Variants in PCCA observed in about 807,000 individuals in gnomAD.
PCCA encodes propionyl-CoA carboxylase subunit alpha.
In PCCA, 74 loss-of-function variants were observed where a neutral mutation model predicts 101.3. The observed-to-expected ratio is 0.73, with a 90% CI of 0.61 to 0.89. The LOEUF (loss-of-function observed/expected upper bound fraction) is 0.89, where lower values mean the gene tolerates loss of function less well. PCCA is among the 40% of genes least tolerant of loss of function. The probability of loss-of-function intolerance (pLI) is 0.00; values close to 1 mark genes in which losing one functional copy is unlikely to be tolerated. For synonymous variants in PCCA, 294 were observed against 313.6 expected (o/e 0.94, Z 0.66); for missense variants, 891 against 907.0 (o/e 0.98, Z 0.23).
At chr13:100,126,171 G>A (rs2049935472) in intron 4 of PCCA, among the ~76,000 whole-genome samples, 1 of 152,142 alleles carries the variant, frequency 6.6e-6, no homozygotes, top group Non-Finnish European at 1.5e-5. Context: ...ATATGTATAT[G>A]AGCTGAATTC....
chr13:100,257,101 C>G (rs1012201259), intron 8 of PCCA, among the ~76,000 whole-genome samples: 1 of 152,142 alleles, frequency 6.6e-6, no homozygotes, highest in African/African-American at 2.4e-5. Flanking sequence ...TTCCCCAATA[C>G]CATCATGTCA....
At chr13:100,169,323 C>T (rs1260658484) in intron 6 of PCCA, among the ~76,000 whole-genome samples, 6 of 151,474 alleles carry the variant, frequency 4.0e-5, no homozygotes, top group Non-Finnish European at 8.8e-5. Flanking sequence ...TGCCTGTAAT[C>T]CCAGCTACTC....
At chr13:100,200,413 A>G (rs754452966) in intron 6 of PCCA, among the ~76,000 whole-genome samples, 33 of 151,974 alleles carry the variant, frequency 2.2e-4, no homozygotes, top group Non-Finnish European at 3.5e-4. Flanking sequence ...CTTCTGTTCA[A>G]CTCTAATCAG....
chr13:100,155,096 A>G lies in PCCA; in HGVS notation c.414+4A>G, dbSNP rs560688875. 12 of 1,565,398 alleles carry G rather than the reference A, an allele frequency of 7.7e-6. No individual in the cohort carries two copies. The Admixed American group carries it at 2.0e-4, about 26-fold the overall frequency. On this transcript the variant is annotated splice_donor_region_variant and intron_variant, in intron 5 of 23. Transcript: ENST00000376285. ...TAAGAAAACCAGGGCCCAAGCTGTG[A>G]GTCTGAATGAATCTATCTACTGCAG... is the stretch of plus-strand genomic sequence containing the variant.
intron 20 of PCCA, among the ~76,000 whole-genome samples, chr13:100,448,240 T>TGCAATG (rs1401053014): frequency 6.6e-6 from 1 of 152,172 alleles, no homozygotes; most frequent in Admixed American, 6.5e-5. Flanking sequence ...CAGGCTGGAG[T>TGCAATG]GCAGTGGCAG....
At chr13:100,527,295 A>G (rs2153007874) in intron 22 of PCCA, 1 of 474,248 alleles carries the variant, frequency 2.1e-6, no homozygotes, top group Non-Finnish European at 4.4e-6. Flanking sequence ...CTTCAACCCC[A>G]GGCAACCTCG....
intron 18 of PCCA, 121 bp downstream of exon 18, chr13:100,340,380 G>A: frequency 2.8e-6 from 2 of 708,662 alleles, no homozygotes; most frequent in South Asian, 3.0e-5. Flanking sequence ...TGGGTCTTTG[G>A]AGAAGTATAA....
chr13:100,438,403 C>T (rs2080100963), intron 20 of PCCA, among the ~76,000 whole-genome samples: 3 of 152,110 alleles, frequency 2.0e-5, no homozygotes, highest in African/African-American at 7.2e-5. Context: ...GCCTCTGCTT[C>T]CCAAAGTGCT....
At chr13:100,113,672 G>A (rs181573438) in intron 4 of PCCA, among the ~76,000 whole-genome samples, 36 of 150,714 alleles carry the variant, frequency 2.4e-4, no homozygotes, top group African/African-American at 7.5e-4. Flanking sequence ...TCTGTCTCCC[G>A]GGTTCAAGCC....
chr13:100,425,741 G>A lies in PCCA; in HGVS notation c.1845+10G>A. The A allele has an allele frequency of 6.3e-7, 1 of 1,589,564 alleles. No individual in the cohort carries two copies. The stretch of plus-strand genomic sequence containing the variant: ...TCAGAGGACTGTCCAGGTGAGTGTT[G>A]TAAGGATTTCCTTAGAGGGCCTCCT... On this transcript the variant is annotated intron_variant, in intron 20 of 23. Coordinates refer to ENST00000376285, the MANE Select transcript of PCCA (RefSeq NM_000282.4).
chr13:100,261,183 T>G (rs4499105), intron 9 of PCCA, among the ~76,000 whole-genome samples: 64,824 of 151,802 alleles, frequency 0.43, 15,864 homozygotes, highest in South Asian at 0.65. Context: ...ATTTGCCTCT[T>G]AAAGGATCGG....
intron 12 of PCCA, among the ~76,000 whole-genome samples, chr13:100,294,467 A>G (rs1051734590): frequency 6.6e-6 from 1 of 151,702 alleles, no homozygotes; most frequent in African/African-American, 2.4e-5. Flanking sequence ...TTTTCCATGT[A>G]TACATAGCAT....
chr13:100,250,895 G>A (rs1031731604), intron 8 of PCCA, among the ~76,000 whole-genome samples: 2 of 151,996 alleles, frequency 1.3e-5, no homozygotes, highest in Admixed American at 6.6e-5. Flanking sequence ...CTCTCTACCC[G>A]TCACACTTCC....
At chr13:100,431,434 A>G (rs1029192985) in intron 20 of PCCA, among the ~76,000 whole-genome samples, 6 of 152,318 alleles carry the variant, frequency 3.9e-5, no homozygotes, top group Non-Finnish European at 4.4e-5. Flanking sequence ...AGAATTTTCA[A>G]TATTTTCCTT....
At chr13:100,310,859 T>C (rs1444907553) in intron 16 of PCCA, among the ~76,000 whole-genome samples, 1 of 152,200 alleles carries the variant, frequency 6.6e-6, no homozygotes, top group South Asian at 2.1e-4. Flanking sequence ...GTCTGAAATT[T>C]TGCCTTTGAA....
chr13:100,307,513 A>G (rs1368627758), intron 15 of PCCA, among the ~76,000 whole-genome samples: 1 of 152,226 alleles, frequency 6.6e-6, no homozygotes, highest in African/African-American at 2.4e-5. Context: ...AATAATAATA[A>G]ACATCTAACC....
At chr13:100,177,997 T>C (rs918360170) in intron 6 of PCCA, among the ~76,000 whole-genome samples, 1 of 152,190 alleles carries the variant, frequency 6.6e-6, no homozygotes, top group African/African-American at 2.4e-5. Context: ...GAATTCTGAA[T>C]TGAAGGTGGT....
At chr13:100,411,680 C>T (rs369045283) in intron 19 of PCCA, among the ~76,000 whole-genome samples, 20 of 152,244 alleles carry the variant, frequency 1.3e-4, no homozygotes, top group Non-Finnish European at 2.4e-4. Context: ...CTGGCAGATC[C>T]GGTGTTTGGT....
At chr13:100,259,527 G>A (rs928131444) in intron 9 of PCCA, among the ~76,000 whole-genome samples, 2 of 151,736 alleles carry the variant, frequency 1.3e-5, no homozygotes, top group Non-Finnish European at 2.9e-5. Context: ...TAGAGACGGG[G>A]TTTCACCATG....
Sources: gnomAD v4.1 joint callset for allele counts (sites outside exome capture counted in the v4.1 genomes callset) on GRCh38, gnomAD v4.1.1 for gene constraint, MANE v1.5 for transcripts, NCBI Gene and HGNC (gene_info 2026-07-23, HGNC 2026-07-21) for gene names.